Variants in KCNMA1 observed in about 807,000 individuals in gnomAD.
The protein encoded by KCNMA1 is Calcium-activated potassium channel subunit alpha-1.
Under a neutral mutation model 140.0 loss-of-function variants are expected in KCNMA1, and 29 were observed. That is an observed-to-expected ratio of 0.21 (90% CI 0.15 to 0.28). KCNMA1 has a LOEUF of 0.28. Ranked by LOEUF, KCNMA1 falls within the 10% of genes least tolerant of loss-of-function variation. KCNMA1 has a pLI of 1.00. For missense variants in KCNMA1, 880 were observed against 1,602.2 expected, an observed-to-expected ratio of 0.55 and a Z score of 7.70; for synonymous variants, 612 against 611.9, an observed-to-expected ratio of 1.00 and a Z score of 0.00.
intron 2 of KCNMA1, among the ~76,000 whole-genome samples, chr10:77,394,875 T>G (rs553148186): frequency 5.3e-5 from 8 of 152,266 alleles, no homozygotes; most frequent in Non-Finnish European, 8.8e-5. Flanking sequence ...TGGTGGGTGT[T>G]TTGGACTCCG....
intron 5 of KCNMA1, among the ~76,000 whole-genome samples, chr10:77,127,825 T>G (rs188046797): frequency 8.9e-4 from 135 of 151,986 alleles, no homozygotes; most frequent in African/African-American, 3.1e-3. Context: ...ATACAAAAAA[T>G]TAACCAAGTG....
downstream of KCNMA1, chr10:76,872,183 A>G (rs1276219421): frequency 6.6e-6 from 1 of 152,180 alleles, no homozygotes; most frequent in Non-Finnish European, 1.5e-5. Flanking sequence ...CCTACCCTCT[A>G]ATCTACTTTG....
At chr10:77,568,599 C>G (rs1266239152) in intron 1 of KCNMA1, among the ~76,000 whole-genome samples, 2 of 151,044 alleles carry the variant, frequency 1.3e-5, no homozygotes, top group Non-Finnish European at 1.5e-5. Context: ...ATAATAAGAG[C>G]TATCTATGAC....
intron 12 of KCNMA1, among the ~76,000 whole-genome samples, chr10:77,081,603 G>A (rs780888516): frequency 6.6e-6 from 1 of 152,124 alleles, no homozygotes; most frequent in Non-Finnish European, 1.5e-5. Flanking sequence ...AAGCTGCAAC[G>A]TACGAATTTA....
intron 22 of KCNMA1, 118 bp downstream of exon 22, chr10:76,949,024 C>T: frequency 2.2e-6 from 2 of 894,612 alleles, no homozygotes; most frequent in Non-Finnish European, 3.8e-6. Flanking sequence ...AGTCCTCAGG[C>T]CCATACCCAG....
intron 1 of KCNMA1, among the ~76,000 whole-genome samples, chr10:77,588,279 G>C (rs570542009): frequency 6.6e-6 from 1 of 152,290 alleles, no homozygotes; most frequent in Admixed American, 6.5e-5. Context: ...AAAGGGGCAA[G>C]GTAGGAAGTT....
intron 19 of KCNMA1, among the ~76,000 whole-genome samples, chr10:76,973,524 G>T (rs1309945682): frequency 6.6e-6 from 1 of 152,164 alleles, no homozygotes; most frequent in Non-Finnish European, 1.5e-5. Context: ...TAACATGTTT[G>T]CTTATACTTG....
At chr10:77,299,641 G>A (rs949319549) in intron 2 of KCNMA1, among the ~76,000 whole-genome samples, 4 of 152,114 alleles carry the variant, frequency 2.6e-5, no homozygotes, top group South Asian at 2.1e-4. Flanking sequence ...TTGCCACCAC[G>A]TCAAGGAATT....
intron 1 of KCNMA1, among the ~76,000 whole-genome samples, chr10:77,561,058 CT>C (rs3997896): frequency 6.7e-6 from 1 of 149,668 alleles, no homozygotes; most frequent in African/African-American, 2.5e-5. Flanking sequence ...TATGGAAACA[CT>C]TTTTTTTTTC....
exon 30 of KCNMA1, chr10:76,877,862 A>C (rs1263262389): frequency 1.2e-6 from 2 of 1,610,640 alleles, no homozygotes; most frequent in Non-Finnish European, 1.7e-6. Context: ...GATAGGCATT[A>C]TCCGGTTCAT....
chr10:77,426,373 T>C (rs945614918), intron 1 of KCNMA1, among the ~76,000 whole-genome samples: 1 of 152,144 alleles, frequency 6.6e-6, no homozygotes, highest in Non-Finnish European at 1.5e-5. Context: ...ACTCCCTAAA[T>C]AGTAACTCAT....
intron 2 of KCNMA1, among the ~76,000 whole-genome samples, chr10:77,347,158 G>A (rs573930663): frequency 7.2e-5 from 11 of 152,208 alleles, no homozygotes; most frequent in African/African-American, 2.4e-4. Flanking sequence ...GATCATTTTC[G>A]TAAAGCACCC....
chr10:76,950,808 A>C (rs1032461728), intron 21 of KCNMA1, among the ~76,000 whole-genome samples: 13 of 152,230 alleles, frequency 8.5e-5, no homozygotes, highest in African/African-American at 3.1e-4. Context: ...GGCTGTCACC[A>C]TTATTGGTTT....
At chr10:77,183,614 G>A in intron 4 of KCNMA1, 82 bp from the exon 5 acceptor site, 2 of 1,017,196 alleles carry the variant, frequency 2.0e-6, no homozygotes, top group South Asian at 2.7e-5. Flanking sequence ...TTGTCAAAGG[G>A]TAAGTTTTGA....
At chr10:76,914,176 T>C (rs1458349023) in intron 24 of KCNMA1, 4 of 1,403,368 alleles carry the variant, frequency 2.9e-6, no homozygotes, top group African/African-American at 2.9e-5. Flanking sequence ...GGAAAGGGAG[T>C]GGAGGAAAGT....
intron 23 of KCNMA1, among the ~76,000 whole-genome samples, chr10:76,933,373 T>G (rs1041011234): frequency 5.3e-5 from 8 of 152,022 alleles, no homozygotes; most frequent in Admixed American, 3.9e-4. Flanking sequence ...CATGAAGAGG[T>G]CAGCAAAACA....
chr10:77,030,263 A>T (rs1247823692), intron 15 of KCNMA1, among the ~76,000 whole-genome samples: 1 of 152,250 alleles, frequency 6.6e-6, no homozygotes, highest in African/African-American at 2.4e-5. Flanking sequence ...ACCAACACAC[A>T]TATCCAACTA....
At chr10:77,219,163 T>C (rs2048760221) in intron 3 of KCNMA1, among the ~76,000 whole-genome samples, 1 of 152,154 alleles carries the variant, frequency 6.6e-6, no homozygotes, top group African/African-American at 2.4e-5. Context: ...TTCACAGACA[T>C]GCTTAATAAA....
chr10:77,083,424 GCAGTTGA>G (rs1470439941), intron 12 of KCNMA1, among the ~76,000 whole-genome samples: 3 of 149,076 alleles, frequency 2.0e-5, no homozygotes, highest in Non-Finnish European at 1.5e-5. Context: ...GCCAATATTA[GCAGTTGA>G]CAGGCCTAAC....
Sources: gnomAD v4.1 joint callset for allele counts (sites outside exome capture counted in the v4.1 genomes callset) on GRCh38, gnomAD v4.1.1 for gene constraint, MANE v1.5 for transcripts, NCBI Gene and HGNC (gene_info 2026-07-23, HGNC 2026-07-21) for gene names.